Variants in SV2C observed in about 807,000 individuals in gnomAD.
SV2C encodes the protein solute carrier family 22 member B3.
In SV2C, 49 loss-of-function variants were observed where a neutral mutation model predicts 79.7. The ratio of observed to expected loss-of-function variants is 0.61; its 90% CI spans 0.49 to 0.78. SV2C has a LOEUF of 0.78. Among genes scored for constraint, SV2C ranks in the 30% least tolerant of loss-of-function variants. SV2C has a pLI of 0.00. For missense variants in SV2C, 833 were observed against 912.9 expected (o/e 0.91, Z 1.13); for synonymous variants, 334 against 333.2 (o/e 1.00, Z -0.03).
intron 12 of SV2C, among the ~76,000 whole-genome samples, chr5:76,304,505 C>T (rs1261733394): frequency 6.6e-6 from 1 of 152,214 alleles, no homozygotes; most frequent in Non-Finnish European, 1.5e-5. Context: ...CACAAAAATT[C>T]TGGCTAGAGG....
At chr5:76,295,616 G>A (rs1393298672) in intron 8 of SV2C, among the ~76,000 whole-genome samples, 162 bp from the exon 9 acceptor site, 2 of 152,148 alleles carry the variant, frequency 1.3e-5, no homozygotes, top group East Asian at 3.8e-4. Context: ...ATTAATGCTG[G>A]GGGAGAGGGA....
chr5:75,910,362 C>A, the SV2C span: 1 of 565,364 alleles, frequency 1.8e-6, no homozygotes, highest in Non-Finnish European at 3.5e-6. Context: ...CCTACGATGG[C>A]CTTCAGCTCC....
chr5:76,215,710 T>G (rs1313045393), intron 4 of SV2C, among the ~76,000 whole-genome samples: 1 of 152,206 alleles, frequency 6.6e-6, no homozygotes, highest in Non-Finnish European at 1.5e-5. Context: ...GTTTGCACCC[T>G]GCAGAGAATG....
chr5:76,195,464 A>G (rs1744243430), intron 3 of SV2C, among the ~76,000 whole-genome samples: 3 of 152,218 alleles, frequency 2.0e-5, no homozygotes, highest in African/African-American at 7.2e-5. Context: ...GGTTTGAGCC[A>G]TTCAAGCATG....
chr5:76,168,774 G>A (rs957817190), intron 2 of SV2C, among the ~76,000 whole-genome samples: 5 of 152,144 alleles, frequency 3.3e-5, no homozygotes, highest in Non-Finnish European at 7.4e-5. Flanking sequence ...AGACTGTGGG[G>A]GTTTCAGTAG....
the SV2C span, among the ~76,000 whole-genome samples, chr5:76,052,737 C>T: frequency 1.3e-5 from 2 of 152,138 alleles, no homozygotes. Flanking sequence ...ACACTCAGTC[C>T]CTACAATATC....
chr5:76,044,968 T>A, the SV2C span, among the ~76,000 whole-genome samples: 1 of 152,222 alleles, frequency 6.6e-6, no homozygotes, highest in Non-Finnish European at 1.5e-5. Context: ...GCTTTTTATG[T>A]TTTCATCATG....
chr5:76,009,509 C>G, the SV2C span, among the ~76,000 whole-genome samples: 1 of 152,158 alleles, frequency 6.6e-6, no homozygotes, highest in East Asian at 1.9e-4. Context: ...TGGAATCAAC[C>G]CAGGTGCCTG....
intron 12 of SV2C, among the ~76,000 whole-genome samples, chr5:76,304,597 A>G (rs541259394): frequency 1.7e-4 from 26 of 152,368 alleles, no homozygotes; most frequent in South Asian, 4.1e-4. Flanking sequence ...ATTTTCTCAC[A>G]GTTCTGGAGG....
chr5:76,035,650 A>G, the SV2C span, among the ~76,000 whole-genome samples: 7 of 152,196 alleles, frequency 4.6e-5, no homozygotes, highest in East Asian at 1.3e-3. Flanking sequence ...TTTCCTGAGG[A>G]GAGGTTTACT....
intron 1 of SV2C, among the ~76,000 whole-genome samples, chr5:76,113,728 C>A (rs13160383): frequency 0.23 from 34,227 of 152,060 alleles, 4,074 homozygotes; most frequent in East Asian, 0.43. Flanking sequence ...GAGAGAAATA[C>A]CTCGGGGAAA....
chr5:75,854,697 G>T, the SV2C span, among the ~76,000 whole-genome samples: 3 of 152,074 alleles, frequency 2.0e-5, no homozygotes, highest in Non-Finnish European at 2.9e-5. Context: ...ATCTTTTGAA[G>T]AGAAGTTTTT....
Position 76,195,057 on chromosome 5 carries a change from G to T in SV2C, c.719G>T (p.Gly240Val). The part of the protein sequence containing the change: ...FFAFLSSFVQ[G>V]YGFFLFCRLL... Reference sequence around the variant, plus strand: ...GCCTTCCTTTCTTCATTTGTCCAAGGTTATGGCTTCTTTCTCTTCTGTCGC... The same window carrying T: ...GCCTTCCTTTCTTCATTTGTCCAAGTTTATGGCTTCTTTCTCTTCTGTCGC... Residue 240 changes from glycine (G) to valine (V), a missense_variant, in exon 3 of 13, where the codon GGT becomes GTT. Physicochemically the swap from Gly to Val is moderately radical, Grantham distance 109. Coordinates refer to ENST00000502798, the MANE Select transcript of SV2C (RefSeq NM_014979.4). 1 of 1,614,012 alleles carries T rather than the reference G, an allele frequency of 6.2e-7. No individual in the cohort carries two copies. The highest frequency in any genetic ancestry group is 1.3e-5 in the African/African-American group (1 of 75,008).
At chr5:76,120,888 T>C (rs1019213395) in intron 1 of SV2C, among the ~76,000 whole-genome samples, 1 of 151,186 alleles carries the variant, frequency 6.6e-6, no homozygotes, top group Admixed American at 6.6e-5. Context: ...TACCCAGTAA[T>C]GGGATGGCTG....
chr5:76,102,630 G>C (rs1248782936), intron 1 of SV2C, among the ~76,000 whole-genome samples: 1 of 152,116 alleles, frequency 6.6e-6, no homozygotes, highest in Non-Finnish European at 1.5e-5. Flanking sequence ...ACTTGCTCAA[G>C]GTCACAGAGT....
intron 1 of SV2C, among the ~76,000 whole-genome samples, chr5:76,123,049 C>A (rs1309218244): frequency 6.6e-6 from 1 of 152,122 alleles, no homozygotes; most frequent in Non-Finnish European, 1.5e-5. Flanking sequence ...TGGGATATCA[C>A]CACCGATCCC....
At chr5:76,297,971 T>C (rs909509775) in intron 9 of SV2C, among the ~76,000 whole-genome samples, 3 of 152,148 alleles carry the variant, frequency 2.0e-5, no homozygotes, top group Non-Finnish European at 4.4e-5. Flanking sequence ...TGAATATTTA[T>C]CTGTGTCTGC....
the SV2C span, among the ~76,000 whole-genome samples, chr5:75,939,405 T>C: frequency 6.6e-6 from 1 of 152,056 alleles, no homozygotes; most frequent in Non-Finnish European, 1.5e-5. Context: ...ATTTCAGTTC[T>C]TATAAGGACA....
At chr5:75,999,856 C>T in the SV2C span, among the ~76,000 whole-genome samples, 4 of 152,200 alleles carry the variant, frequency 2.6e-5, no homozygotes, top group South Asian at 4.2e-4. Flanking sequence ...GTTGAATCCT[C>T]TGGAGGGGAT....
Sources: allele counts gnomAD v4.1 joint callset (sites outside exome capture counted in the v4.1 genomes callset), GRCh38; gene constraint gnomAD v4.1.1; transcripts MANE v1.5; gene names NCBI Gene and HGNC (gene_info 2026-07-23, HGNC 2026-07-21).